LRMDA: variants seen among roughly 807,000 people sequenced by gnomAD.
LRMDA encodes the protein leucine rich melanocyte differentiation associated.
In LRMDA, 18 loss-of-function variants were observed where a neutral mutation model predicts 29.8. That is an observed-to-expected ratio of 0.60 (90% CI 0.42 to 0.90). The LOEUF (loss-of-function observed/expected upper bound fraction) is 0.90, where lower values mean the gene tolerates loss of function less well. Ranked by LOEUF, LRMDA falls within the 40% of genes least tolerant of loss-of-function variation. The pLI is 0.00. For missense variants in LRMDA, 273 were observed against 273.9 expected (o/e 1.00, Z 0.02); for synonymous variants, 125 against 109.4 (o/e 1.14, Z -0.89).
chr10:75,560,950 G>T (rs1840286023), intron 2 of LRMDA, among the ~76,000 whole-genome samples: 1 of 151,190 alleles, frequency 6.6e-6, no homozygotes, highest in Non-Finnish European at 1.5e-5. Context: ...ATTTTATTGA[G>T]GATTTTTGCA....
rs1374845601 is a variant in LRMDA at position 75,507,724 on chromosome 10, C to G, written c.131+69230C>G. On this transcript the variant is annotated intron_variant, in intron 2 of 6. Transcript: ENST00000611255. ...ACAAACAGAATAGCTCTGTAACTTC[C>G]AAACAAACACAGAATAGTTCTAGGG... is the stretch of plus-strand genomic sequence containing the variant. Among the ~76,000 whole-genome samples the G allele has an allele frequency of 2.6e-5, 4 of 152,166 alleles. No homozygotes were observed. The South Asian group carries it at 6.2e-4, about 24-fold the overall frequency.
intron 2 of LRMDA, among the ~76,000 whole-genome samples, chr10:75,507,843 G>A (rs1476380128): frequency 6.6e-6 from 1 of 152,162 alleles, no homozygotes; most frequent in East Asian, 1.9e-4. Flanking sequence ...AGGCACAGAA[G>A]GTTCCCTTTA....
At chr10:76,223,281 A>T (rs113966825) in intron 5 of LRMDA, among the ~76,000 whole-genome samples, 5,202 of 152,164 alleles carry the variant, frequency 0.034, 129 homozygotes, top group Middle Eastern at 0.058. Flanking sequence ...ATAATAATAA[A>T]AAAGAGTCTC....
intron 5 of LRMDA, among the ~76,000 whole-genome samples, chr10:76,280,774 G>A (rs10509366): frequency 0.068 from 10,322 of 151,822 alleles, 901 homozygotes; most frequent in African/African-American, 0.2. Flanking sequence ...GAAAACCTCC[G>A]TAAAATCAGC....
intron 6 of LRMDA, among the ~76,000 whole-genome samples, chr10:76,410,956 C>T (rs1841954859): frequency 6.6e-6 from 1 of 152,048 alleles, no homozygotes; most frequent in Non-Finnish European, 1.5e-5. Context: ...CAAAACAAAA[C>T]AAAACACCAG....
intron 2 of LRMDA, among the ~76,000 whole-genome samples, chr10:75,768,596 G>A (rs187560535): frequency 6.6e-6 from 1 of 152,156 alleles, no homozygotes; most frequent in Non-Finnish European, 1.5e-5. Flanking sequence ...AGACACATTG[G>A]TATTTTTCTG....
intron 5 of LRMDA, among the ~76,000 whole-genome samples, chr10:76,098,306 G>GT (rs1328349806): frequency 6.6e-6 from 1 of 152,110 alleles, no homozygotes; most frequent in African/African-American, 2.4e-5. Context: ...TAGACATGTA[G>GT]TTTTTTATCA....
chr10:75,544,537 G>C (rs1186453603), intron 2 of LRMDA, among the ~76,000 whole-genome samples: 5 of 152,234 alleles, frequency 3.3e-5, no homozygotes, highest in African/African-American at 1.2e-4. Flanking sequence ...TCACTGCTAT[G>C]ACTTAGAGAG....
intron 5 of LRMDA, among the ~76,000 whole-genome samples, chr10:76,071,171 A>T (rs1848870507): frequency 1.3e-5 from 2 of 152,186 alleles, no homozygotes; most frequent in South Asian, 4.1e-4. Flanking sequence ...TTGTCATTGG[A>T]ATCAGGCCCC....
intron 6 of LRMDA, among the ~76,000 whole-genome samples, chr10:76,541,278 G>C (rs1294273486): frequency 6.6e-6 from 1 of 152,072 alleles, no homozygotes; most frequent in Non-Finnish European, 1.5e-5. Context: ...AGTTGGGTGG[G>C]TTACTTGAGG....
intron 6 of LRMDA, among the ~76,000 whole-genome samples, chr10:76,510,396 C>T (rs1371979622): frequency 7.2e-6 from 1 of 139,772 alleles, no homozygotes; most frequent in African/African-American, 2.5e-5. Flanking sequence ...AAGTTTGAGA[C>T]ATAAACCTGT....
At chr10:76,120,974 A>C (rs984488887) in intron 5 of LRMDA, among the ~76,000 whole-genome samples, 1 of 152,060 alleles carries the variant, frequency 6.6e-6, no homozygotes, top group South Asian at 2.1e-4. Flanking sequence ...CTGGGACTAC[A>C]GGTGCCCGCC....
intron 5 of LRMDA, among the ~76,000 whole-genome samples, chr10:76,279,108 T>C (rs947153709): frequency 2.0e-5 from 3 of 152,140 alleles, no homozygotes; most frequent in African/African-American, 7.2e-5. Context: ...GCAATACCTA[T>C]AATATTATAA....
At chr10:76,082,691 T>A (rs1240029415) in intron 5 of LRMDA, among the ~76,000 whole-genome samples, 4 of 152,166 alleles carry the variant, frequency 2.6e-5, no homozygotes. Context: ...AACCAGGTAA[T>A]GGCAAACGTT....
intron 6 of LRMDA, among the ~76,000 whole-genome samples, chr10:76,363,161 GAAAGAAAGAAAGA>G (rs1262747852): frequency 5.1e-5 from 2 of 39,460 alleles, no homozygotes; most frequent in South Asian, 8.7e-4. Context: ...AAGAAAGAAA[GAAAGAAAGAAAGA>G]AAGGAGGGAG....
chr10:76,209,891 T>C (rs1241444584), intron 5 of LRMDA, among the ~76,000 whole-genome samples: 1 of 152,174 alleles, frequency 6.6e-6, no homozygotes, highest in Non-Finnish European at 1.5e-5. Flanking sequence ...TTGAAAGCAT[T>C]TGACTTATTT....
chr10:75,783,126 C>T (rs980798823), intron 2 of LRMDA: 55 of 1,341,970 alleles, frequency 4.1e-5, no homozygotes, highest in Non-Finnish European at 5.3e-5. Context: ...ACTTGATGAG[C>T]GAGATGATTG....
intron 5 of LRMDA, among the ~76,000 whole-genome samples, chr10:76,084,588 T>C (rs1589319699): frequency 6.6e-6 from 1 of 152,212 alleles, no homozygotes; most frequent in South Asian, 2.1e-4. Flanking sequence ...CTTTGGCAAG[T>C]CCTTTGAATT....
At chr10:75,733,014 C>T (rs1329069577) in intron 2 of LRMDA, among the ~76,000 whole-genome samples, 3 of 152,068 alleles carry the variant, frequency 2.0e-5, no homozygotes, top group Non-Finnish European at 4.4e-5. Flanking sequence ...AGGACAAGCC[C>T]CATACTTCCT....
Sources: allele counts gnomAD v4.1 joint callset (sites outside exome capture counted in the v4.1 genomes callset), GRCh38; gene constraint gnomAD v4.1.1; transcripts MANE v1.5; gene names NCBI Gene and HGNC (gene_info 2026-07-23, HGNC 2026-07-21).